The following KIF20A variants were observed in gnomAD, a reference collection of about 807,000 sequenced individuals.
The protein encoded by KIF20A is kinesin-like protein KIF20A.
In KIF20A, 66 loss-of-function variants were observed where a neutral mutation model predicts 113.0. The ratio of observed to expected loss-of-function variants is 0.58; its 90% CI spans 0.48 to 0.72. The LOEUF is 0.72. Ranked by LOEUF, KIF20A falls within the 30% of genes least tolerant of loss-of-function variation. The pLI, the probability that KIF20A is intolerant of heterozygous loss-of-function variation, is 0.00. For synonymous variants in KIF20A, 376 were observed against 402.3 expected (o/e 0.93, Z 0.78); for missense variants, 927 against 1,077.6 (o/e 0.86, Z 1.96).
intron 1 of KIF20A, 38 bp from the exon 2 acceptor site, chr5:138,179,622 A>G: frequency 6.3e-7 from 1 of 1,597,926 alleles, no homozygotes; most frequent in South Asian, 1.1e-5. Context: ...CTGTCCCTAA[A>G]GGTTCTTCTC....
chr5:138,186,311 G>C lies in KIF20A; in HGVS notation c.2235G>C (p.Arg745=). ...EEGQKNIRLL[R]TELQKLGESL... is the part of the protein sequence containing the mutation. ...TTTTTCAGAATATAAGGCTGTTGCG[G>C]ACAGAGCTTCAGAAACTTGGTGAGT... is the stretch of plus-strand genomic sequence containing the variant. Residue 745 remains arginine, a synonymous_variant, in exon 18 of 19, where the codon CGG becomes CGC. Transcript: ENST00000394894. 2 of 1,597,710 alleles carry C rather than the reference G, an allele frequency of 1.3e-6. No homozygotes were observed. The highest frequency in any genetic ancestry group is 1.7e-6 in the Non-Finnish European group (2 of 1,176,438).
rs1427959289 is a variant in KIF20A, at chr5:138,184,081, C to A, written c.1328C>A (p.Ala443Asp). 3.1e-6 allele frequency: 5 copies of A among 1,614,142 alleles called. No homozygotes were observed. Among genetic ancestry groups the A allele is most frequent in the South Asian group, 1.1e-5 (1 of 91,080 alleles). The change falls in exon 11 of 19, where the codon GCC (alanine) becomes GAC (aspartate). Residue 443 changes from alanine to aspartate, a missense_variant. By Grantham distance (126) the Ala-to-Asp change is moderately radical. Transcript: ENST00000394894. ...CACACCCTGGGCCGCTGTATTGCTGCCCTTCGTCAAAACCAGCAGAACCGG... is the reference window on the plus strand; with the variant it reads ...CACACCCTGGGCCGCTGTATTGCTGACCTTCGTCAAAACCAGCAGAACCGG... ...SLHTLGRCIA[A>D]LRQNQQNRSK...
At position 138,183,007 on chromosome 5, in the gene KIF20A, G is replaced by C; in HGVS notation, c.832+17G>C. 1 of 1,613,556 alleles carries C rather than the reference G, an allele frequency of 6.2e-7. No individual in the cohort carries two copies. The highest frequency in any genetic ancestry group is 8.5e-7 in the Non-Finnish European group (1 of 1,179,876). ...AGCTGGATGGTATGTACCGTGACTG[G>C]GCTCTGCCAAAAAATAGTAGGAACT... On this transcript the variant is annotated intron_variant, in intron 7 of 18. Coordinates refer to ENST00000394894, the MANE Select transcript of KIF20A (RefSeq NM_005733.3). The surrounding 1 kb of genome is among the most constrained non-coding windows in gnomAD (Gnocchi z 5.2).
At chr5:138,186,519 A>G in intron 18 of KIF20A, 88 bp downstream of exon 18, 1 of 1,420,722 alleles carries the variant, frequency 7.0e-7, no homozygotes, top group South Asian at 1.4e-5. Flanking sequence ...AGAAAAAGGT[A>G]AAGATTTTTA....
rs2151234028 is a variant in KIF20A, at chr5:138,185,724, C to A, written c.2125+14C>A. 1 of 1,613,144 alleles carries A rather than the reference C, an allele frequency of 6.2e-7. No homozygotes were observed. The highest frequency in any genetic ancestry group is 1.7e-5 in the Admixed American group (1 of 60,008). ...CTACCACTGAAGGTGAGGAAAGAGA[C>A]AGGCAGGAAACATAACAGTGGTTCA... On this transcript the variant is annotated intron_variant, in intron 16 of 18. Transcript: ENST00000394894.
intron 4 of KIF20A, 28 bp downstream of exon 4, chr5:138,181,756 A>C (rs1328384779): frequency 1.2e-6 from 2 of 1,611,528 alleles, no homozygotes; most frequent in Admixed American, 1.7e-5. Context: ...TTGTGAACAA[A>C]AGACCAACAT....
rs1220023031 is a variant in KIF20A, at chr5:138,181,424, T to C, written c.168T>C (p.Val56=). 1 of 1,613,936 alleles carries C rather than the reference T, an allele frequency of 6.2e-7. No homozygotes were observed. Among genetic ancestry groups the C allele is most frequent in the African/African-American group, 1.3e-5 (1 of 74,930 alleles). ...VSTSLEDKQQ[V]PSEDSMEKVK... The stretch of plus-strand genomic sequence containing the variant: ...TCTGGGCTGGGATTCTGCCACAGGT[T>C]CCATCTGAGGACAGTATGGAGAAGG... Residue 56 remains valine, a splice_region_variant and synonymous_variant, in exon 3 of 19, where the codon GTT becomes GTC. Transcript: ENST00000394894.
In KIF20A at chr5:138,185,700, T is replaced by C. The variant is rs772783150; in HGVS notation, c.2115T>C (p.Ser705=). The change falls in exon 16 of 19, where the codon TCT becomes TCC. Residue 705 remains serine, a synonymous_variant. Transcript: ENST00000394894. ...KLQQCKAELN[S]TTEELHKYQK... ...AGCAGTGCAAAGCAGAGCTAAACTC[T>C]ACCACTGAAGGTGAGGAAAGAGACA... 6 of 1,614,008 alleles carry C rather than the reference T, an allele frequency of 3.7e-6. No individual in the cohort carries two copies. The highest frequency in any genetic ancestry group is 1.3e-5 in the African/African-American group (1 of 74,918).
chr5:138,185,827 C>T lies in KIF20A; in HGVS notation c.2125+117C>T, dbSNP rs182824525. On this transcript the variant is annotated intron_variant, in intron 16 of 18. Transcript: ENST00000394894. ...TTCCTAAACTGCAAGCTACATCCCC[C>T]TGACATTTCAATCTAGGATACACAT... 70 of 1,332,560 alleles carry T rather than the reference C, an allele frequency of 5.3e-5. No individual in the cohort carries two copies. The African/African-American group carries it at 6.4e-4, about 12-fold the overall frequency. The allele number at this position is 1,332,560 out of a possible 1,614,324, so 82.5% of individuals were successfully genotyped here. A position where few individuals can be genotyped will look rare whatever the true frequency, so the allele number is the denominator to read the frequency against.
chr5:138,181,281 G>C, intron 2 of KIF20A, 141 bp from the exon 3 acceptor site: 1 of 707,108 alleles, frequency 1.4e-6, no homozygotes, highest in Non-Finnish European at 2.5e-6. Context: ...AATGATTGTG[G>C]AACCAAAGAG....
chr5:138,187,630 A>C lies in KIF20A; in HGVS notation c.*217A>C, dbSNP rs1754768496. On this transcript the variant is annotated 3_prime_UTR_variant, in exon 19 of 19. Coordinates refer to ENST00000394894, the MANE Select transcript of KIF20A (RefSeq NM_005733.3). ...ACTTATATGATTTCTATGCACACAA[A>C]AACAGTTATATTAAAGATATTATTG... The C allele has an allele frequency of 4.7e-6, 2 of 422,068 alleles. No individual in the cohort carries two copies. The highest frequency in any genetic ancestry group is 8.1e-5 in the Admixed American group (2 of 24,578). The allele number at this position is 422,068 out of a possible 1,614,324, so 26.1% of individuals were successfully genotyped here.
rs777779569 is a variant in KIF20A at position 138,185,612 on chromosome 5, G to C, written c.2027G>C (p.Arg676Pro). 1.2e-6 allele frequency: 2 copies of C among 1,614,172 alleles called. No individual in the cohort carries two copies. Among genetic ancestry groups the C allele is most frequent in the Non-Finnish European group, 1.7e-6 (2 of 1,180,034 alleles). Residue 676 changes from arginine to proline, a missense_variant, in exon 16 of 19, where the codon CGG becomes CCG. Coordinates refer to ENST00000394894, the MANE Select transcript of KIF20A (RefSeq NM_005733.3). ...QQSGSELALR[R>P]SQRLAASAST... ...TCAGGGTCTGAATTGGCCCTACGGC[G>C]GTCACAAAGGTTGGCAGCTTCTGCC...
At chr5:138,186,250 G>T (rs1191952626) in intron 17 of KIF20A, 44 bp from the exon 18 acceptor site, 1 of 1,571,428 alleles carries the variant, frequency 6.4e-7, no homozygotes, top group African/African-American at 1.4e-5. Context: ...TCATTATCCT[G>T]GTTGCTCTTG....
rs776582876 is a variant in KIF20A, at chr5:138,184,963, C to G, written c.1823+17C>G. On this transcript the variant is annotated intron_variant, in intron 14 of 18. Coordinates refer to ENST00000394894, the MANE Select transcript of KIF20A (RefSeq NM_005733.3). ...GTGGTGCAGGTACTAGCTGAGTGAC[C>G]CCTCTTGCTCTGTCACCTGAGACAG... 22 of 1,612,472 alleles carry G rather than the reference C, an allele frequency of 1.4e-5. No individual in the cohort carries two copies. The highest frequency in any genetic ancestry group is 1.8e-5 in the Non-Finnish European group (21 of 1,179,030).
Position 138,186,394 on chromosome 5 carries a change from A to G in KIF20A, c.2318A>G (p.Gln773Arg), listed in dbSNP as rs750223074. 6.2e-7 allele frequency: 1 copy of G among 1,611,314 alleles called. No homozygotes were observed. The change falls in exon 18 of 19, where the codon CAA becomes CGA. Residue 773 changes from glutamine to arginine, a missense_variant. By Grantham distance (43) the Gln-to-Arg change is conservative. Coordinates refer to ENST00000394894, the MANE Select transcript of KIF20A (RefSeq NM_005733.3). ...CHSTGAGKLR[Q>R]ALTTCDDILI... is the part of the protein sequence containing the mutation. ...AGCACTGGGGCAGGAAAACTTCGTC[A>G]AGCCTTGACCACTTGTGATGACATC...
Position 138,185,115 on chromosome 5 carries a change from A to AG in KIF20A, c.1846dup (p.Glu616GlyfsTer8). 6.2e-7 allele frequency: 1 copy of AG among 1,613,704 alleles called. No homozygotes were observed. The highest frequency in any genetic ancestry group is 8.5e-7 in the Non-Finnish European group (1 of 1,179,718). On this transcript the variant is annotated frameshift_variant, in exon 15 of 19. Coordinates refer to ENST00000394894, the MANE Select transcript of KIF20A (RefSeq NM_005733.3). LOFTEE classifies it high-confidence loss of function. ...GACAGTGAACATTTGGACACCCAAA[A>AG]GGAACTATTGGAGGAAATGTATGAA... is the stretch of plus-strand genomic sequence containing the variant.
chr5:138,184,124 T>C lies in KIF20A; in HGVS notation c.1352+19T>C, dbSNP rs768489962. 1 of 1,613,936 alleles carries C rather than the reference T, an allele frequency of 6.2e-7. No homozygotes were observed. Among genetic ancestry groups the C allele is most frequent in the South Asian group, 1.1e-5 (1 of 91,080 alleles). On this transcript the variant is annotated intron_variant, in intron 11 of 18. Transcript: ENST00000394894. ...AGAACCGGTGAGCTTTTGACTATAA[T>C]TCCTGGGCTCTGCAATTTGCTAAGA...
rs760158461 is a variant in KIF20A at position 138,185,611 on chromosome 5, C to A, written c.2026C>A (p.Arg676=). The A allele has an allele frequency of 6.2e-7, 1 of 1,614,162 alleles. No individual in the cohort carries two copies. The highest frequency in any genetic ancestry group is 1.3e-5 in the African/African-American group (1 of 75,058). ...QQSGSELALR[R]SQRLAASAST... ...ATCAGGGTCTGAATTGGCCCTACGG[C>A]GGTCACAAAGGTTGGCAGCTTCTGC... Residue 676 remains arginine, a synonymous_variant, in exon 16 of 19, where the codon CGG becomes AGG. Coordinates refer to ENST00000394894, the MANE Select transcript of KIF20A (RefSeq NM_005733.3).
chr5:138,185,874 T>A (rs1256376112), intron 16 of KIF20A, 87 bp from the exon 17 acceptor site: 3 of 1,338,062 alleles, frequency 2.2e-6, no homozygotes, highest in Non-Finnish European at 3.2e-6. Flanking sequence ...TTATATTTGC[T>A]GCAAGCTACT....
Sources: allele counts gnomAD v4.1 joint callset, GRCh38; gene constraint gnomAD v4.1.1; non-coding constraint Gnocchi (gnomAD v3.1); transcripts MANE v1.5; gene names NCBI Gene and HGNC (gene_info 2026-07-23, HGNC 2026-07-21).